Variants in TENM4 observed in about 807,000 individuals in gnomAD.
TENM4 encodes the protein teneurin transmembrane protein 4, also known as teneurin-4.
Under a neutral mutation model 243.3 loss-of-function variants are expected in TENM4, and 82 were observed. The observed-to-expected ratio is 0.34, with a 90% CI of 0.28 to 0.40. The LOEUF (loss-of-function observed/expected upper bound fraction) is 0.40, where lower values mean the gene tolerates loss of function less well. Ranked by LOEUF, TENM4 falls within the 10% of genes least tolerant of loss-of-function variation. TENM4 has a pLI of 1.00. For missense variants in TENM4, 3,138 were observed against 3,673.3 expected (o/e 0.85, Z 3.77); for synonymous variants, 1,412 against 1,456.3 (o/e 0.97, Z 0.69).
intron 3 of TENM4, among the ~76,000 whole-genome samples, chr11:79,184,665 C>A (rs1863350912): frequency 6.6e-6 from 1 of 152,054 alleles, no homozygotes; most frequent in South Asian, 2.1e-4. Flanking sequence ...GTACCTAGAG[C>A]CGTCAAATTC....
chr11:78,718,250 CT>C (rs1859566953), intron 25 of TENM4, among the ~76,000 whole-genome samples: 1 of 152,166 alleles, frequency 6.6e-6, no homozygotes. Context: ...TCTCTGTCTT[CT>C]GGTTGTCTTT....
intron 2 of TENM4, among the ~76,000 whole-genome samples, chr11:79,280,741 T>A (rs1462820782): frequency 6.6e-6 from 1 of 151,988 alleles, no homozygotes; most frequent in Admixed American, 6.6e-5. Context: ...AGGACATATC[T>A]CTCCCAGGTT....
At chr11:79,072,393 G>A (rs1425498251) in intron 4 of TENM4, among the ~76,000 whole-genome samples, 3 of 151,900 alleles carry the variant, frequency 2.0e-5, no homozygotes, top group East Asian at 1.9e-4. Context: ...AGGCTGAAAC[G>A]GGAGGATAGC....
intron 2 of TENM4, among the ~76,000 whole-genome samples, chr11:79,216,947 A>G (rs1205338574): frequency 6.6e-6 from 1 of 152,148 alleles, no homozygotes; most frequent in Non-Finnish European, 1.5e-5. Flanking sequence ...CTTACGCAGA[A>G]GAGTCCTGGT....
rs1167651542 is a variant in TENM4 at position 79,283,201 on chromosome 11, CACACACACACAA to C, written c.-265+14275_-265+14286del. On this transcript the variant is annotated intron_variant, in intron 2 of 33. Transcript: ENST00000278550. The stretch of plus-strand genomic sequence containing the variant: ...TGATAGTAAAATCAGACAAAGACAT[CACACACACACAA>C]ACACACACACACACACACACACACA... Among the ~76,000 whole-genome samples the C allele has an allele frequency of 6.1e-3, 741 of 122,374 alleles. 4 individuals carry two copies. The highest frequency in any genetic ancestry group is 0.019 in the African/African-American group (518 of 27,002). 80.3% of individuals were successfully genotyped at this position (122,374 alleles called of 152,430 possible). A position where few individuals can be genotyped will look rare whatever the true frequency, so the allele number is the denominator to read the frequency against.
At position 79,187,166 on chromosome 11, in the gene TENM4, C is replaced by T. The variant is rs544663506; in HGVS notation, c.-163+28642G>A. Among the ~76,000 whole-genome samples the T allele has an allele frequency of 2.0e-5, 3 of 152,228 alleles. No individual in the cohort carries two copies. The East Asian group carries it at 5.8e-4, about 29-fold the overall frequency. ...TTAATATGTTTTTGCTGTTGAACTC[C>T]AGGGCAACGACTTGAGCCTCATCTA... On this transcript the variant is annotated intron_variant, in intron 3 of 33. Coordinates refer to ENST00000278550, the MANE Select transcript of TENM4 (RefSeq NM_001098816.3).
At position 79,172,730 on chromosome 11, in the gene TENM4, T is replaced by A. The variant is rs1453133088; in HGVS notation, c.-162-23924A>T. Reference sequence around the variant, plus strand: ...CCCAGGCTGGAGTGTTGTGGTGTGATCTTGGCTCACTGCAACCTCTGCCTC... The same window carrying A: ...CCCAGGCTGGAGTGTTGTGGTGTGAACTTGGCTCACTGCAACCTCTGCCTC... On this transcript the variant is annotated intron_variant, in intron 3 of 33. Transcript: ENST00000278550. Among the ~76,000 whole-genome samples the A allele has an allele frequency of 2.0e-5, 3 of 151,128 alleles. No individual in the cohort carries two copies. The East Asian group carries it at 5.9e-4, about 30-fold the overall frequency.
intron 9 of TENM4, among the ~76,000 whole-genome samples, chr11:78,877,696 T>C (rs553716399): frequency 2.0e-5 from 3 of 152,316 alleles, no homozygotes; most frequent in Admixed American, 2.0e-4. Context: ...TTTCTGCAGC[T>C]GCTGCTGTTA....
rs1161969418 is a variant in TENM4 at position 78,798,407 on chromosome 11, T to C, written c.2179+6885A>G. On this transcript the variant is annotated intron_variant, in intron 15 of 33. Coordinates refer to ENST00000278550, the MANE Select transcript of TENM4 (RefSeq NM_001098816.3). ...CCCTTTGGGTAGGGGAGGAGATTAA[T>C]AGAGAATAAACTGAAAGCTTAGAGG... Among the ~76,000 whole-genome samples, 4 of 152,304 alleles carry C rather than the reference T, an allele frequency of 2.6e-5. No individual in the cohort carries two copies. The East Asian group carries it at 5.8e-4, about 22-fold the overall frequency.
intron 6 of TENM4, among the ~76,000 whole-genome samples, chr11:78,987,465 A>C (rs757343165): frequency 2.0e-5 from 3 of 152,268 alleles, no homozygotes; most frequent in Non-Finnish European, 4.4e-5. Context: ...CAATACTTAC[A>C]GAAGTGAGAA....
chr11:78,929,266 C>T (rs897749367), intron 6 of TENM4, among the ~76,000 whole-genome samples: 1 of 152,138 alleles, frequency 6.6e-6, no homozygotes, highest in African/African-American at 2.4e-5. Flanking sequence ...TGAAATAGGA[C>T]AAAGCAACAG....
At chr11:78,762,008 T>C (rs1434471824) in intron 18 of TENM4, among the ~76,000 whole-genome samples, 1 of 152,200 alleles carries the variant, frequency 6.6e-6, no homozygotes, top group Non-Finnish European at 1.5e-5. Context: ...AGGGCTCCCT[T>C]GTCTCCCTTT....
intron 2 of TENM4, among the ~76,000 whole-genome samples, chr11:79,253,874 AT>A (rs1223291357): frequency 6.6e-6 from 1 of 152,356 alleles, no homozygotes; most frequent in East Asian, 1.9e-4. Flanking sequence ...GACAAAGAAT[AT>A]GAATATTCTA....
At chr11:79,123,358 G>A (rs1861783633) in intron 4 of TENM4, among the ~76,000 whole-genome samples, 1 of 152,170 alleles carries the variant, frequency 6.6e-6, no homozygotes, top group African/African-American at 2.4e-5. Context: ...GAACTAGCTA[G>A]GAAGTGATGG....
chr11:79,350,734 C>T (rs1368010222), intron 1 of TENM4, among the ~76,000 whole-genome samples: 1 of 152,096 alleles, frequency 6.6e-6, no homozygotes, highest in Non-Finnish European at 1.5e-5. Flanking sequence ...GTCACCACTC[C>T]TGGCCCTGTC....
At chr11:78,827,708 C>T (rs1047430869) in intron 12 of TENM4, among the ~76,000 whole-genome samples, 6 of 152,046 alleles carry the variant, frequency 3.9e-5, no homozygotes, top group African/African-American at 7.2e-5. Context: ...AGGCTGGTCT[C>T]GAACTCCCAA....
chr11:78,878,182 G>A (rs1339272512), intron 9 of TENM4, among the ~76,000 whole-genome samples: 1 of 152,046 alleles, frequency 6.6e-6, no homozygotes, highest in African/African-American at 2.4e-5. Context: ...TCCATGCCTT[G>A]CAACATCTGT....
At chr11:79,160,393 C>A (rs1862717772) in intron 3 of TENM4, among the ~76,000 whole-genome samples, 1 of 152,186 alleles carries the variant, frequency 6.6e-6, no homozygotes, top group Non-Finnish European at 1.5e-5. Context: ...CATGCAGTGC[C>A]TGGGGGTTCA....
chr11:79,377,281 T>G (rs1857910288), intron 1 of TENM4, among the ~76,000 whole-genome samples: 1 of 152,186 alleles, frequency 6.6e-6, no homozygotes, highest in Admixed American at 6.5e-5. Context: ...AGAGAAGAGA[T>G]TTCTATTGTT....
Sources: gnomAD v4.1 joint callset for allele counts (sites outside exome capture counted in the v4.1 genomes callset) on GRCh38, gnomAD v4.1.1 for gene constraint, MANE v1.5 for transcripts, NCBI Gene and HGNC (gene_info 2026-07-23, HGNC 2026-07-21) for gene names.